ZRANB3: variants seen among roughly 807,000 people sequenced by gnomAD.
ZRANB3 encodes the protein zinc finger RANBP2-type containing 3.
Under a neutral mutation model 133.8 loss-of-function variants are expected in ZRANB3, and 125 were observed. The observed-to-expected ratio is 0.93, with a 90% confidence interval of 0.81 to 1.08. The LOEUF is 1.08. Among genes scored for constraint, ZRANB3 ranks in the 50% least tolerant of loss-of-function variants. ZRANB3 has a pLI of 0.00. For synonymous variants in ZRANB3, 387 were observed against 432.7 expected (o/e 0.89, Z 1.31); for missense variants, 1,229 against 1,275.5 (o/e 0.96, Z 0.56).
At chr2:135,312,030 G>C (rs1573888147) in intron 8 of ZRANB3, among the ~76,000 whole-genome samples, 1 of 151,956 alleles carries the variant, frequency 6.6e-6, no homozygotes, top group Non-Finnish European at 1.5e-5. Context: ...TTTTTGGCAT[G>C]ACAGGAATAT....
chr2:135,379,444 T>C (rs1040105347), intron 3 of ZRANB3, among the ~76,000 whole-genome samples: 5 of 151,728 alleles, frequency 3.3e-5, no homozygotes, highest in Admixed American at 6.6e-5. Flanking sequence ...ACAGTGAGAG[T>C]TGGAGCTGAA....
At chr2:135,470,140 C>G (rs56391682) in intron 2 of ZRANB3, among the ~76,000 whole-genome samples, 15,820 of 150,532 alleles carry the variant, frequency 0.11, 1,074 homozygotes, top group South Asian at 0.32. Context: ...GCCTCACAAA[C>G]ATGGCGAAAC....
At chr2:135,479,810 T>C (rs571825857) in intron 2 of ZRANB3, among the ~76,000 whole-genome samples, 1 of 152,272 alleles carries the variant, frequency 6.6e-6, no homozygotes, top group Non-Finnish European at 1.5e-5. Context: ...CAAATCAAAT[T>C]AATACTATTC....
chr2:135,527,571 A>G, intron 1 of ZRANB3, among the ~76,000 whole-genome samples: 1 of 151,726 alleles, frequency 6.6e-6, no homozygotes, highest in Middle Eastern at 3.5e-3. Context: ...AAAAAAAAAG[A>G]TGGTTAAGAT....
chr2:135,369,226 G>T (rs569867985), intron 3 of ZRANB3, among the ~76,000 whole-genome samples: 1 of 150,646 alleles, frequency 6.6e-6, no homozygotes. Context: ...AAACTGTTAC[G>T]GTAAAAAAAA....
chr2:135,210,384 G>C (rs1002606477), intron 17 of ZRANB3, among the ~76,000 whole-genome samples: 1 of 151,768 alleles, frequency 6.6e-6, no homozygotes, highest in Non-Finnish European at 1.5e-5. Flanking sequence ...GCCCAGGCTG[G>C]AGTGCAATGA....
chr2:135,515,534 G>T (rs530543100), intron 1 of ZRANB3, among the ~76,000 whole-genome samples: 1 of 152,212 alleles, frequency 6.6e-6, no homozygotes, highest in South Asian at 2.1e-4. Context: ...CCTTCATTTC[G>T]TTATTTACCC....
intron 2 of ZRANB3, among the ~76,000 whole-genome samples, chr2:135,459,586 G>A (rs1355208863): frequency 1.3e-5 from 2 of 152,080 alleles, no homozygotes; most frequent in East Asian, 3.8e-4. Flanking sequence ...AAGCAATTGT[G>A]TATCTCTATC....
At chr2:135,311,605 C>T (rs1248646732) in intron 8 of ZRANB3, among the ~76,000 whole-genome samples, 2 of 151,816 alleles carry the variant, frequency 1.3e-5, no homozygotes, top group South Asian at 4.2e-4. Context: ...ATTTTAGGGG[C>T]CAGATGAGGT....
At chr2:135,287,807 C>A (rs1216638833) in intron 8 of ZRANB3, among the ~76,000 whole-genome samples, 2 of 150,114 alleles carry the variant, frequency 1.3e-5, no homozygotes, top group African/African-American at 4.9e-5. Context: ...TTACTGAATT[C>A]ATTTATCAGA....
intron 1 of ZRANB3, among the ~76,000 whole-genome samples, chr2:135,526,951 G>C (rs1694187718): frequency 6.6e-6 from 1 of 152,148 alleles, no homozygotes; most frequent in African/African-American, 2.4e-5. Context: ...ACCAGAAAAT[G>C]TTTAAATTTA....
At position 135,337,876 on chromosome 2, in the gene ZRANB3, A is replaced by C. The variant is rs141483071; in HGVS notation, c.677+7674T>G. 7.9e-5 allele frequency among the ~76,000 whole-genome samples: 12 copies of C among 152,308 alleles called. No homozygotes were observed. The East Asian group carries it at 2.3e-3, about 29-fold the overall frequency. ...ACGTAAGTACTCCTCTTAGTATTTCACTTAATATAAGAAGAATCCCTGTTT... is the reference window on the plus strand; with the variant it reads ...ACGTAAGTACTCCTCTTAGTATTTCCCTTAATATAAGAAGAATCCCTGTTT... On this transcript the variant is annotated intron_variant, in intron 6 of 20. Transcript: ENST00000264159.
chr2:135,442,995 A>G (rs1397833857), intron 2 of ZRANB3, among the ~76,000 whole-genome samples: 1 of 152,026 alleles, frequency 6.6e-6, no homozygotes, highest in Non-Finnish European at 1.5e-5. Context: ...GGGCGCCTGT[A>G]GTCCCAGCTA....
intron 12 of ZRANB3, among the ~76,000 whole-genome samples, chr2:135,249,742 G>A (rs1330154271): frequency 1.3e-5 from 2 of 152,096 alleles, no homozygotes; most frequent in African/African-American, 2.4e-5. Flanking sequence ...TTCTCTTGCC[G>A]CTGCCATATA....
intron 12 of ZRANB3, among the ~76,000 whole-genome samples, chr2:135,257,889 C>A (rs939906706): frequency 6.6e-6 from 1 of 152,200 alleles, no homozygotes; most frequent in African/African-American, 2.4e-5. Flanking sequence ...TCTGCCCCAG[C>A]TGTGCCACTT....
At chr2:135,501,919 A>C (rs1692966741) in intron 2 of ZRANB3, among the ~76,000 whole-genome samples, 1 of 152,138 alleles carries the variant, frequency 6.6e-6, no homozygotes, top group South Asian at 2.1e-4. Flanking sequence ...CTTTGTAATA[A>C]ATAAGTCATC....
At chr2:135,361,159 G>A (rs192659678) in intron 3 of ZRANB3, among the ~76,000 whole-genome samples, 4 of 152,274 alleles carry the variant, frequency 2.6e-5, no homozygotes, top group African/African-American at 7.2e-5. Context: ...AGTAATTTAG[G>A]CATACAGGAA....
intron 9 of ZRANB3, 32 bp from the exon 10 acceptor site, chr2:135,271,919 G>A (rs1304563498): frequency 6.2e-7 from 1 of 1,600,248 alleles, no homozygotes; most frequent in Admixed American, 1.7e-5. Context: ...GCAAAATTAG[G>A]ACAAGGCCCT....
chr2:135,514,278 G>C (rs565078290), intron 1 of ZRANB3, among the ~76,000 whole-genome samples: 1 of 152,308 alleles, frequency 6.6e-6, no homozygotes, highest in African/African-American at 2.4e-5. Flanking sequence ...CATGAGCATG[G>C]AATGTTTTTC....
Sources: gnomAD v4.1 joint callset for allele counts (sites outside exome capture counted in the v4.1 genomes callset) on GRCh38, gnomAD v4.1.1 for gene constraint, MANE v1.5 for transcripts, NCBI Gene and HGNC (gene_info 2026-07-23, HGNC 2026-07-21) for gene names.